Variants in SHC3 observed in about 807,000 individuals in gnomAD.
SHC3 encodes the protein SHC-transforming protein 3.
Under a neutral mutation model 60.4 loss-of-function variants are expected in SHC3, and 15 were observed. The observed-to-expected ratio is 0.25, with a 90% confidence interval of 0.17 to 0.38. The LOEUF (loss-of-function observed/expected upper bound fraction) is 0.38, where lower values mean the gene tolerates loss of function less well. Among genes scored for constraint, SHC3 ranks in the 10% least tolerant of loss-of-function variants. SHC3 has a pLI of 1.00. For synonymous variants in SHC3, 294 were observed against 325.9 expected (o/e 0.90, Z 1.05); for missense variants, 677 against 786.1 (o/e 0.86, Z 1.66).
intron 1 of SHC3, among the ~76,000 whole-genome samples, chr9:89,151,912 A>G (rs1021020651): frequency 5.9e-5 from 9 of 152,224 alleles, no homozygotes; most frequent in Admixed American, 2.0e-4. Flanking sequence ...TATTGCCCTA[A>G]TAAAAGAAAG....
intron 1 of SHC3, among the ~76,000 whole-genome samples, chr9:89,124,480 A>G (rs993550358): frequency 6.6e-6 from 1 of 152,250 alleles, no homozygotes; most frequent in Non-Finnish European, 1.5e-5. Flanking sequence ...AAAGTGGCAC[A>G]TATACAACAT....
At chr9:89,130,142 A>G (rs1195516790) in intron 1 of SHC3, among the ~76,000 whole-genome samples, 2 of 152,338 alleles carry the variant, frequency 1.3e-5, no homozygotes, top group African/African-American at 4.8e-5. Flanking sequence ...CAGGCTTCAA[A>G]CCAACAAAGA....
At chr9:89,118,729 T>C (rs1306794840) in intron 1 of SHC3, among the ~76,000 whole-genome samples, 1 of 151,992 alleles carries the variant, frequency 6.6e-6, no homozygotes, top group East Asian at 1.9e-4. Context: ...TCATCAAAAG[T>C]CTGAAGAATA....
intron 6 of SHC3, among the ~76,000 whole-genome samples, chr9:89,055,297 G>C (rs1287033420): frequency 6.6e-6 from 1 of 152,256 alleles, no homozygotes; most frequent in African/African-American, 2.4e-5. Context: ...TGGCGCTCAG[G>C]ACTGGCCCCC....
At chr9:89,096,059 G>C (rs968328658) in intron 2 of SHC3, among the ~76,000 whole-genome samples, 28 of 152,130 alleles carry the variant, frequency 1.8e-4, no homozygotes, top group African/African-American at 6.3e-4. Flanking sequence ...ACAAACCACA[G>C]CTAAAAAATA....
At chr9:89,048,258 G>A (rs72748943) in intron 7 of SHC3, among the ~76,000 whole-genome samples, 24 of 115,782 alleles carry the variant, frequency 2.1e-4, no homozygotes, top group Admixed American at 1.3e-3. Flanking sequence ...AAAAAAAAAA[G>A]GTAGAAGTAC....
chr9:89,053,058 T>TCCAGAC (rs1824886786), intron 6 of SHC3, among the ~76,000 whole-genome samples: 1 of 152,182 alleles, frequency 6.6e-6, no homozygotes, highest in Non-Finnish European at 1.5e-5. Context: ...ACCTCTACTC[T>TCCAGAC]CCAGACCCAC....
chr9:89,043,931 G>T (rs1824732279), intron 9 of SHC3, among the ~76,000 whole-genome samples: 2 of 152,320 alleles, frequency 1.3e-5, no homozygotes, highest in Non-Finnish European at 1.5e-5. Flanking sequence ...TGGAATTACA[G>T]GCGTGAGCCA....
At chr9:89,033,865 T>C (rs891632362) in intron 11 of SHC3, among the ~76,000 whole-genome samples, 26 of 152,316 alleles carry the variant, frequency 1.7e-4, no homozygotes, top group African/African-American at 5.1e-4. Flanking sequence ...AAGACTTCTT[T>C]GATGTGTAGG....
chr9:89,120,130 A>T (rs547141675), intron 1 of SHC3, among the ~76,000 whole-genome samples: 29 of 152,332 alleles, frequency 1.9e-4, no homozygotes, highest in Admixed American at 2.6e-4. Flanking sequence ...AAAATGGTTA[A>T]AGAGCCAAAC....
chr9:89,106,812 C>T (rs1825866605), intron 2 of SHC3, among the ~76,000 whole-genome samples: 1 of 152,184 alleles, frequency 6.6e-6, no homozygotes, highest in African/African-American at 2.4e-5. Flanking sequence ...CCCTTCACCA[C>T]AGCTGGATCA....
chr9:89,045,237 G>A lies in SHC3; in HGVS notation c.1201+509C>T, dbSNP rs138057729. On this transcript the variant is annotated intron_variant, in intron 9 of 11. Coordinates refer to ENST00000375835, the MANE Select transcript of SHC3 (RefSeq NM_016848.6). ...TGAATGGTCCTGGAGCTGCAGGGAGGCACTATCTGATTGGTGCCAGGAGAT... is the reference window on the plus strand; with the variant it reads ...TGAATGGTCCTGGAGCTGCAGGGAGACACTATCTGATTGGTGCCAGGAGAT... Among the ~76,000 whole-genome samples the A allele has an allele frequency of 2.3e-3, 348 of 151,708 alleles. 1 individual carries two copies. The highest frequency in any genetic ancestry group is 7.7e-3 in the African/African-American group (316 of 41,274).
intron 2 of SHC3, among the ~76,000 whole-genome samples, chr9:89,097,128 A>C (rs925884490): frequency 2.8e-5 from 3 of 106,604 alleles, no homozygotes; most frequent in African/African-American, 6.9e-5. Flanking sequence ...AAAAAAAAAA[A>C]AAAAAACAAG....
chr9:89,078,330 TCTTA>T (rs1318500102), intron 2 of SHC3, among the ~76,000 whole-genome samples: 1 of 152,212 alleles, frequency 6.6e-6, no homozygotes, highest in East Asian at 1.9e-4. Context: ...TTGAGATCCT[TCTTA>T]AGTGAGTTAG....
At chr9:89,049,550 T>A (rs1824828926) in intron 7 of SHC3, among the ~76,000 whole-genome samples, 2 of 152,342 alleles carry the variant, frequency 1.3e-5, no homozygotes, top group Admixed American at 1.3e-4. Flanking sequence ...AAGGCTAGCA[T>A]AATAATTAAT....
intron 11 of SHC3, among the ~76,000 whole-genome samples, chr9:89,014,436 A>C (rs1025726201): frequency 6.6e-6 from 1 of 152,146 alleles, no homozygotes; most frequent in African/African-American, 2.4e-5. Flanking sequence ...CATGTTTGAT[A>C]AGTGGGAGAT....
intron 1 of SHC3, among the ~76,000 whole-genome samples, chr9:89,147,793 C>T (rs1317527474): frequency 1.3e-5 from 2 of 151,942 alleles, no homozygotes; most frequent in African/African-American, 4.8e-5. Flanking sequence ...GTTGACATTC[C>T]CTTCCTCCCT....
chr9:89,175,604 T>C (rs796227968), intron 1 of SHC3, among the ~76,000 whole-genome samples: 2 of 152,226 alleles, frequency 1.3e-5, no homozygotes, highest in Non-Finnish European at 2.9e-5. Context: ...TAATACAGTA[T>C]ATAAATTTTC....
At chr9:89,037,122 G>C (rs1165643058) in intron 11 of SHC3, among the ~76,000 whole-genome samples, 1 of 152,168 alleles carries the variant, frequency 6.6e-6, no homozygotes, top group African/African-American at 2.4e-5. Context: ...AGTGCCAGGA[G>C]CTGGGGTATT....
Sources: gnomAD v4.1 joint callset for allele counts (sites outside exome capture counted in the v4.1 genomes callset) on GRCh38, gnomAD v4.1.1 for gene constraint, MANE v1.5 for transcripts, NCBI Gene and HGNC (gene_info 2026-07-23, HGNC 2026-07-21) for gene names.